XPO4: variants seen among roughly 807,000 people sequenced by gnomAD.
XPO4 encodes the protein exportin-4.
Under a neutral mutation model 143.0 loss-of-function variants are expected in XPO4, and 39 were observed. That is an observed-to-expected ratio of 0.27 (90% CI 0.21 to 0.36). The LOEUF is 0.36. Ranked by LOEUF, XPO4 falls within the 10% of genes least tolerant of loss-of-function variation. The probability of loss-of-function intolerance (pLI) is 1.00; values close to 1 mark genes in which losing one functional copy is unlikely to be tolerated. For synonymous variants in XPO4, 439 were observed against 474.0 expected (o/e 0.93, Z 0.96); for missense variants, 907 against 1,348.0 (o/e 0.67, Z 5.12).
intron 1 of XPO4, among the ~76,000 whole-genome samples, chr13:20,873,614 T>C (rs905425562): frequency 2.0e-5 from 3 of 152,152 alleles, no homozygotes; most frequent in African/African-American, 7.2e-5. Context: ...ATCCCAATTG[T>C]CAAATCCTAC....
intron 1 of XPO4, chr13:20,869,405 G>T: frequency 1.9e-6 from 1 of 513,614 alleles, no homozygotes; most frequent in Non-Finnish European, 2.5e-6. Flanking sequence ...GTACATTCCT[G>T]TTACATGGTT....
chr13:20,812,412 A>T (rs1250809554), intron 9 of XPO4, among the ~76,000 whole-genome samples: 1 of 152,200 alleles, frequency 6.6e-6, no homozygotes, highest in East Asian at 1.9e-4. Context: ...GGAGAAAAAA[A>T]ATTTGCATCC....
intron 3 of XPO4, chr13:20,859,962 G>T: frequency 2.0e-6 from 1 of 506,540 alleles, no homozygotes; most frequent in Non-Finnish European, 2.5e-6. Flanking sequence ...AAAAGGCTAT[G>T]ACAACTAAAC....
Position 20,795,328 on chromosome 13 carries a change from C to T in XPO4, c.2797+748G>A, listed in dbSNP as rs61954161. On this transcript the variant is annotated intron_variant, in intron 18 of 22. Transcript: ENST00000255305. Reference sequence around the variant, plus strand: ...ATACACATATATGAGGTTTAAATTACTGATCAGGTTCTTGCCTGTAACAGC... The same window carrying T: ...ATACACATATATGAGGTTTAAATTATTGATCAGGTTCTTGCCTGTAACAGC... 1.7e-3 allele frequency among the ~76,000 whole-genome samples: 266 copies of T among 152,318 alleles called. 1 individual carries two copies. The highest frequency in any genetic ancestry group is 3.0e-3 in the Non-Finnish European group (204 of 68,024).
Position 20,902,703 on chromosome 13 carries a change from G to T in XPO4, c.36C>A (p.Ile12=). 2 of 1,585,432 alleles carry T rather than the reference G, an allele frequency of 1.3e-6. No individual in the cohort carries two copies. The highest frequency in any genetic ancestry group is 8.6e-7 in the Non-Finnish European group (1 of 1,166,406). The change falls in exon 1 of 23, where the codon ATC becomes ATA. Residue 12 remains isoleucine (I), a synonymous_variant. Transcript: ENST00000255305. ...MAAALGPPEV[I]AQLENAAKVL... ...CTTTAGCCGCGTTCTCCAGCTGAGC[G>T]ATCACTTCTGGGGGCCCCAGCGCCG...
At chr13:20,893,701 G>T (rs969823901) in intron 1 of XPO4, among the ~76,000 whole-genome samples, 3 of 150,824 alleles carry the variant, frequency 2.0e-5, no homozygotes, top group Non-Finnish European at 4.4e-5. Flanking sequence ...GGTTGCGGAG[G>T]TTGCAATGAG....
chr13:20,828,467 TA>T (rs2137995688), intron 6 of XPO4, among the ~76,000 whole-genome samples: 1 of 152,268 alleles, frequency 6.6e-6, no homozygotes, highest in South Asian at 2.1e-4. Context: ...CAGGGAAAAT[TA>T]AAGGCTGTAA....
intron 1 of XPO4, chr13:20,902,254 G>A: frequency 1.0e-6 from 1 of 985,342 alleles, no homozygotes; most frequent in African/African-American, 1.7e-5. Flanking sequence ...CCCAGGCTGT[G>A]CCATCCAATC....
At chr13:20,882,328 G>C (rs1230510177) in intron 1 of XPO4, among the ~76,000 whole-genome samples, 1 of 152,084 alleles carries the variant, frequency 6.6e-6, no homozygotes, top group Non-Finnish European at 1.5e-5. Context: ...CATCTGCTCA[G>C]CTTCTGGTGA....
At chr13:20,794,786 C>G (rs1211865637) in intron 18 of XPO4, among the ~76,000 whole-genome samples, 1 of 152,076 alleles carries the variant, frequency 6.6e-6, no homozygotes, top group Non-Finnish European at 1.5e-5. Context: ...TTAAGCAGAA[C>G]TGACCTGAAG....
intron 18 of XPO4, among the ~76,000 whole-genome samples, chr13:20,794,663 T>A (rs2059332404): frequency 6.6e-6 from 1 of 152,116 alleles, no homozygotes; most frequent in Admixed American, 6.5e-5. Context: ...AGCCTGAGGT[T>A]GAGGCTGCAC....
chr13:20,808,289 G>A (rs1036662136), intron 12 of XPO4, 147 bp downstream of exon 12: 15 of 771,232 alleles, frequency 1.9e-5, no homozygotes, highest in Non-Finnish European at 1.8e-6. Flanking sequence ...TTTTAAAAAT[G>A]CATCCATAGT....
At chr13:20,836,562 C>CTT (rs2059919080) in intron 6 of XPO4, among the ~76,000 whole-genome samples, 1 of 152,216 alleles carries the variant, frequency 6.6e-6, no homozygotes, top group East Asian at 1.9e-4. Flanking sequence ...TCTCCCACAA[C>CTT]TTTATCTCCA....
chr13:20,892,492 G>A (rs998023687), intron 1 of XPO4, among the ~76,000 whole-genome samples: 14 of 152,028 alleles, frequency 9.2e-5, no homozygotes, highest in African/African-American at 3.1e-4. Flanking sequence ...TCCCTTCCTC[G>A]TTTATTCATC....
At chr13:20,831,870 G>T (rs2059857281) in intron 6 of XPO4, among the ~76,000 whole-genome samples, 1 of 146,332 alleles carries the variant, frequency 6.8e-6, no homozygotes, top group Non-Finnish European at 1.5e-5. Context: ...CTTAGCAAGG[G>T]TTCCGGCAAG....
chr13:20,885,112 T>C (rs909901389), intron 1 of XPO4, among the ~76,000 whole-genome samples: 1 of 152,090 alleles, frequency 6.6e-6, no homozygotes, highest in Non-Finnish European at 1.5e-5. Context: ...GCCACCACGC[T>C]GGCTAATTTT....
In XPO4 at chr13:20,833,543, AT is replaced by A. The variant is rs201284930; in HGVS notation, c.728-6365del. Among the ~76,000 whole-genome samples, 1,512 of 152,204 alleles carry A rather than the reference AT, an allele frequency of 9.9e-3. 26 individuals carry two copies. The highest frequency in any genetic ancestry group is 0.034 in the African/African-American group (1,426 of 41,530). On this transcript the variant is annotated intron_variant, in intron 6 of 22. Coordinates refer to ENST00000255305, the MANE Select transcript of XPO4 (RefSeq NM_022459.5). ...TTGTTGCACTGTTTTTAAAATTTGT[AT>A]TTTTTTAATTGTTGTATTGTTATTT...
intron 13 of XPO4, among the ~76,000 whole-genome samples, chr13:20,801,631 C>A (rs1006294799): frequency 3.9e-5 from 6 of 152,124 alleles, no homozygotes; most frequent in Non-Finnish European, 7.4e-5. Flanking sequence ...GCGTGACATG[C>A]AGACAAACAG....
chr13:20,890,190 C>T (rs1194364711), intron 1 of XPO4, among the ~76,000 whole-genome samples: 15 of 152,142 alleles, frequency 9.9e-5, no homozygotes, highest in African/African-American at 3.1e-4. Flanking sequence ...GGCTTATGCC[C>T]GTCATCCCAG....
Sources: allele counts gnomAD v4.1 joint callset (sites outside exome capture counted in the v4.1 genomes callset), GRCh38; gene constraint gnomAD v4.1.1; transcripts MANE v1.5; gene names NCBI Gene and HGNC (gene_info 2026-07-23, HGNC 2026-07-21).